The following SKIC3 variants were observed in gnomAD, a reference collection of about 807,000 sequenced individuals.
The protein encoded by SKIC3 is superkiller complex protein 3.
chr5:95,490,384 T>C, the SKIC3 span, among the ~76,000 whole-genome samples: 2 of 149,210 alleles, frequency 1.3e-5, no homozygotes, highest in African/African-American at 2.4e-5. Context: ...CATTTTACTA[T>C]GGATTTTTAA....
chr5:95,476,709 G>A, the SKIC3 span, among the ~76,000 whole-genome samples: 1 of 152,090 alleles, frequency 6.6e-6, no homozygotes, highest in South Asian at 2.1e-4. Context: ...GGTTTCACAG[G>A]TAGTAAATGG....
the SKIC3 span, among the ~76,000 whole-genome samples, chr5:95,464,924 CTTTTT>C: frequency 9.3e-6 from 1 of 107,002 alleles, no homozygotes. Flanking sequence ...ATTCTGATTG[CTTTTT>C]TTTTTTTTTT....
the SKIC3 span, among the ~76,000 whole-genome samples, chr5:95,490,752 C>T: frequency 6.6e-6 from 1 of 152,094 alleles, no homozygotes; most frequent in East Asian, 1.9e-4. Context: ...CCCATCTCGG[C>T]CTCCCAAAGT....
the SKIC3 span, among the ~76,000 whole-genome samples, chr5:95,506,366 T>C: frequency 6.6e-6 from 1 of 152,210 alleles, no homozygotes; most frequent in Non-Finnish European, 1.5e-5. Flanking sequence ...AGCTCTAGGA[T>C]GCTGCCTTAA....
chr5:95,502,965 C>G, the SKIC3 span: 2 of 1,614,050 alleles, frequency 1.2e-6, no homozygotes, highest in Admixed American at 3.3e-5. Context: ...TGGGCTTTGT[C>G]TTGCTCCGAT....
chr5:95,538,379 T>C, the SKIC3 span, among the ~76,000 whole-genome samples: 1 of 152,134 alleles, frequency 6.6e-6, no homozygotes, highest in Non-Finnish European at 1.5e-5. Flanking sequence ...AGAAATCTTA[T>C]TCTCACATTT....
chr5:95,510,502 G>A, the SKIC3 span, among the ~76,000 whole-genome samples: 1 of 152,116 alleles, frequency 6.6e-6, no homozygotes, highest in Non-Finnish European at 1.5e-5. Flanking sequence ...TTGTTCCTGG[G>A]GATAACATCA....
At chr5:95,495,033 T>A in the SKIC3 span, 1 of 1,612,924 alleles carries the variant, frequency 6.2e-7, no homozygotes, top group Non-Finnish European at 8.5e-7. Context: ...ACAGAAAATA[T>A]TGATGATTTA....
At chr5:95,527,507 A>G in the SKIC3 span, among the ~76,000 whole-genome samples, 2 of 152,210 alleles carry the variant, frequency 1.3e-5, no homozygotes, top group Non-Finnish European at 2.9e-5. Flanking sequence ...GCATAATGCT[A>G]TAATTCATAA....
the SKIC3 span, chr5:95,528,168 G>A: frequency 5.0e-6 from 8 of 1,613,332 alleles, no homozygotes; most frequent in Admixed American, 3.3e-5. Flanking sequence ...AAAATTAAGG[G>A]TATCCAAATG....
the SKIC3 span, among the ~76,000 whole-genome samples, chr5:95,482,862 A>G: frequency 1.7e-4 from 26 of 152,188 alleles, no homozygotes; most frequent in Admixed American, 1.5e-3. Context: ...TGTAGTCTAC[A>G]TGTATTTCCC....
chr5:95,546,177 C>T, the SKIC3 span, among the ~76,000 whole-genome samples: 3 of 151,990 alleles, frequency 2.0e-5, no homozygotes, highest in African/African-American at 7.3e-5. Flanking sequence ...CATACTTGAA[C>T]CCCATCATGC....
chr5:95,554,055 C>T, the SKIC3 span, among the ~76,000 whole-genome samples: 1 of 152,168 alleles, frequency 6.6e-6, no homozygotes, highest in Non-Finnish European at 1.5e-5. Context: ...GCCTGTTTTC[C>T]TATCTGCAAT....
the SKIC3 span, among the ~76,000 whole-genome samples, chr5:95,480,905 G>C: frequency 3.9e-5 from 6 of 152,056 alleles, no homozygotes; most frequent in Non-Finnish European, 8.8e-5. Context: ...TTCAAAAACA[G>C]GAAAAACTAA....
the SKIC3 span, chr5:95,525,587 C>T: frequency 1.2e-6 from 2 of 1,613,988 alleles, no homozygotes. Context: ...AAAAGCCAAC[C>T]TTTGCAGCTT....
the SKIC3 span, chr5:95,464,708 C>T: frequency 2.5e-6 from 4 of 1,582,890 alleles, no homozygotes; most frequent in South Asian, 3.3e-5. Context: ...ACAGGAACGT[C>T]AGTATTTTGT....
chr5:95,478,381 T>C, the SKIC3 span: 5 of 1,613,912 alleles, frequency 3.1e-6, no homozygotes, highest in Admixed American at 5.0e-5. Flanking sequence ...TTGTAGACTC[T>C]TTCTGTAACA....
chr5:95,530,194 TACA>T, the SKIC3 span: 4 of 1,613,508 alleles, frequency 2.5e-6, no homozygotes, highest in African/African-American at 4.0e-5. Context: ...TCCACTAATC[TACA>T]ACAATACTGC....
chr5:95,473,463 A>G, the SKIC3 span, among the ~76,000 whole-genome samples: 2 of 152,034 alleles, frequency 1.3e-5, no homozygotes, highest in African/African-American at 2.4e-5. Context: ...TTCTATAGAG[A>G]TGGGATTTTG....
Sources: allele counts gnomAD v4.1 joint callset (sites outside exome capture counted in the v4.1 genomes callset), GRCh38; gene constraint gnomAD v4.1.1; transcripts MANE v1.5; gene names NCBI Gene and HGNC (gene_info 2026-07-23, HGNC 2026-07-21).